The following DLG2 variants were observed in gnomAD, a reference collection of about 807,000 sequenced individuals.
DLG2 encodes the protein discs large MAGUK scaffold protein 2, also known as disks large homolog 2.
In DLG2, 45 loss-of-function variants were observed where a neutral mutation model predicts 132.5. The observed-to-expected ratio is 0.34, with a 90% CI of 0.27 to 0.44. The LOEUF (loss-of-function observed/expected upper bound fraction) is 0.44, where lower values mean the gene tolerates loss of function less well. DLG2 is among the 20% of genes least tolerant of loss of function. The pLI is 1.00. For missense variants in DLG2, 1,045 were observed against 1,196.9 expected (o/e 0.87, Z 1.87); for synonymous variants, 424 against 419.6 (o/e 1.01, Z -0.13).
chr11:83,682,048 G>A, intron 18 of DLG2: 2 of 758,900 alleles, frequency 2.6e-6, no homozygotes, highest in South Asian at 1.2e-4. Context: ...AATTTGTCAG[G>A]AGCCCAAACA....
chr11:84,540,229 G>C (rs2099364878), intron 6 of DLG2, among the ~76,000 whole-genome samples: 1 of 151,370 alleles, frequency 6.6e-6, no homozygotes. Context: ...CACAGCAAAA[G>C]AAACTACCAT....
In DLG2 at chr11:85,443,834, CT is replaced by C. The variant is rs543118230; in HGVS notation, c.40+154822del. 2.2e-3 allele frequency among the ~76,000 whole-genome samples: 337 copies of C among 152,206 alleles called. 1 individual carries two copies. The highest frequency in any genetic ancestry group is 7.7e-3 in the African/African-American group (320 of 41,540). The stretch of plus-strand genomic sequence containing the variant: ...AACTAATGATTTCTCTTTGTTTTGT[CT>C]TTTATCAAGCTGTTCTTTGGTGTGT... On this transcript the variant is annotated intron_variant, in intron 3 of 27. Coordinates refer to ENST00000376104, the MANE Select transcript of DLG2 (RefSeq NM_001142699.3).
At chr11:85,537,935 T>C (rs2153200791) in intron 3 of DLG2, among the ~76,000 whole-genome samples, 1 of 151,786 alleles carries the variant, frequency 6.6e-6, no homozygotes, top group Admixed American at 6.6e-5. Flanking sequence ...GCTAACACAG[T>C]GAAACCCCGT....
intron 15 of DLG2, among the ~76,000 whole-genome samples, chr11:83,883,146 A>T (rs1295186869): frequency 6.6e-6 from 1 of 152,202 alleles, no homozygotes; most frequent in East Asian, 1.9e-4. Context: ...TCTATAAGTC[A>T]TCCACACTTT....
At chr11:84,020,193 C>T (rs920335022) in intron 11 of DLG2, among the ~76,000 whole-genome samples, 1 of 152,016 alleles carries the variant, frequency 6.6e-6, no homozygotes, top group Non-Finnish European at 1.5e-5. Flanking sequence ...GAATTTTGTA[C>T]ATCAAGGTTA....
At chr11:85,134,889 A>G (rs1322265805) in intron 5 of DLG2, among the ~76,000 whole-genome samples, 1 of 152,238 alleles carries the variant, frequency 6.6e-6, no homozygotes, top group Non-Finnish European at 1.5e-5. Flanking sequence ...CTGCTATCCT[A>G]CTGATGTAAG....
Position 83,480,619 on chromosome 11 carries a change from G to C in DLG2, c.2293+3510C>G, listed in dbSNP as rs749880283. 49 of 1,557,264 alleles carry C rather than the reference G, an allele frequency of 3.1e-5. No homozygotes were observed. In the Admixed American group the frequency reaches 9.4e-4, roughly 30 times the overall value. On this transcript the variant is annotated intron_variant, in intron 22 of 27. Transcript: ENST00000376104. ...TACAGGAACCCGCTGCTTGATTGCT[G>C]TTTCTTCTTTTTAGCAAATGAAGAA...
At chr11:85,049,524 A>T (rs972765279) in intron 6 of DLG2, among the ~76,000 whole-genome samples, 1 of 152,030 alleles carries the variant, frequency 6.6e-6, no homozygotes, top group Non-Finnish European at 1.5e-5. Flanking sequence ...GTTTAGCAGA[A>T]TCTCTGGCCT....
At chr11:84,901,485 C>A (rs2090879682) in intron 6 of DLG2, among the ~76,000 whole-genome samples, 1 of 152,048 alleles carries the variant, frequency 6.6e-6, no homozygotes, top group African/African-American at 2.4e-5. Context: ...CACGTAGTTC[C>A]CTCTTCTTGA....
chr11:84,959,797 C>G (rs530855018), intron 6 of DLG2, among the ~76,000 whole-genome samples: 197 of 152,010 alleles, frequency 1.3e-3, no homozygotes, highest in African/African-American at 4.6e-3. Context: ...AAAGGTCAAC[C>G]TTGTGTATAT....
intron 18 of DLG2, among the ~76,000 whole-genome samples, chr11:83,745,885 GA>G (rs921249157): frequency 4.0e-5 from 6 of 150,532 alleles, no homozygotes; most frequent in Admixed American, 2.7e-4. Flanking sequence ...AAATTTAGAA[GA>G]AAAAAACAAC....
chr11:85,391,330 C>T (rs2152947079), intron 3 of DLG2, among the ~76,000 whole-genome samples: 1 of 152,132 alleles, frequency 6.6e-6, no homozygotes, highest in African/African-American at 2.4e-5. Flanking sequence ...AGTCCAGGAC[C>T]AGATGGACTC....
At chr11:85,274,664 C>T (rs1240044374) in intron 4 of DLG2, among the ~76,000 whole-genome samples, 1 of 152,178 alleles carries the variant, frequency 6.6e-6, no homozygotes, top group Admixed American at 6.5e-5. Context: ...CCCAAGTCTA[C>T]CCCAAATCTC....
intron 3 of DLG2, among the ~76,000 whole-genome samples, chr11:85,521,818 T>C (rs763128960): frequency 6.6e-6 from 1 of 152,082 alleles, no homozygotes; most frequent in Non-Finnish European, 1.5e-5. Flanking sequence ...TAGAGATCTG[T>C]GGAACTTTAA....
At chr11:84,475,987 G>A (rs1359303861) in intron 7 of DLG2, among the ~76,000 whole-genome samples, 1 of 152,002 alleles carries the variant, frequency 6.6e-6, no homozygotes, top group South Asian at 2.1e-4. Context: ...TGCTCCCCAG[G>A]CCACCATCTG....
At chr11:84,148,176 T>C (rs1160639030) in intron 9 of DLG2, among the ~76,000 whole-genome samples, 4 of 152,130 alleles carry the variant, frequency 2.6e-5, no homozygotes, top group Non-Finnish European at 5.9e-5. Context: ...TCTTCTAAAT[T>C]TGATATTTCT....
intron 21 of DLG2, among the ~76,000 whole-genome samples, chr11:83,496,722 A>C (rs1458467208): frequency 6.6e-6 from 1 of 152,216 alleles, no homozygotes; most frequent in Non-Finnish European, 1.5e-5. Flanking sequence ...TGTAAGTCCA[A>C]GAACAGGCAA....
Position 85,529,840 on chromosome 11 carries a change from G to A in DLG2, c.40+68817C>T, listed in dbSNP as rs372644832. Among the ~76,000 whole-genome samples, 11 of 152,320 alleles carry A rather than the reference G, an allele frequency of 7.2e-5. No homozygotes were observed. The East Asian group carries it at 1.7e-3, about 24-fold the overall frequency. On this transcript the variant is annotated intron_variant, in intron 3 of 27. Transcript: ENST00000376104. ...AACAACAAAGGCTCCCAGACAAGGA[G>A]ATGAGTTTGTCTTTATCTACTAGTC... is the stretch of plus-strand genomic sequence containing the variant.
chr11:85,224,294 A>C (rs1283462544), intron 4 of DLG2, among the ~76,000 whole-genome samples: 1 of 152,178 alleles, frequency 6.6e-6, no homozygotes, highest in Non-Finnish European at 1.5e-5. Context: ...TTTTGAGTTC[A>C]TGATAAGAGT....
Sources: gnomAD v4.1 joint callset for allele counts (sites outside exome capture counted in the v4.1 genomes callset) on GRCh38, gnomAD v4.1.1 for gene constraint, MANE v1.5 for transcripts, NCBI Gene and HGNC (gene_info 2026-07-23, HGNC 2026-07-21) for gene names.